Variants in ZFPM2 observed in about 807,000 individuals in gnomAD.
ZFPM2 encodes zinc finger protein ZFPM2.
A neutral mutation model predicts 98.6 loss-of-function variants in ZFPM2; 20 were observed. That is an observed-to-expected ratio of 0.20 (90% confidence interval 0.14 to 0.29). The LOEUF (loss-of-function observed/expected upper bound fraction) is 0.29, where lower values mean the gene tolerates loss of function less well. Ranked by LOEUF, ZFPM2 falls within the 10% of genes least tolerant of loss-of-function variation. ZFPM2 has a pLI of 1.00. For missense variants in ZFPM2, 1,310 were observed against 1,388.6 expected, an observed-to-expected ratio of 0.94 and a Z score of 0.90; for synonymous variants, 518 against 502.7, an observed-to-expected ratio of 1.03 and a Z score of -0.41.
intron 5 of ZFPM2, among the ~76,000 whole-genome samples, chr8:105,688,939 G>T (rs1024633949): frequency 6.6e-6 from 1 of 152,126 alleles, no homozygotes; most frequent in Non-Finnish European, 1.5e-5. Context: ...TTACTCATTA[G>T]TGTTCAAATA....
At chr8:105,365,539 C>T (rs756611744) in intron 1 of ZFPM2, among the ~76,000 whole-genome samples, 23 of 151,994 alleles carry the variant, frequency 1.5e-4, no homozygotes, top group African/African-American at 3.1e-4. Context: ...ATGAAATTTG[C>T]GGTTAAAAAG....
intron 1 of ZFPM2, among the ~76,000 whole-genome samples, chr8:105,325,215 A>G (rs1812093362): frequency 6.6e-6 from 1 of 151,926 alleles, no homozygotes; most frequent in Non-Finnish European, 1.5e-5. Flanking sequence ...TTCACCATAG[A>G]TAAAGAGGTA....
At chr8:105,349,718 A>G (rs1004417395) in intron 1 of ZFPM2, among the ~76,000 whole-genome samples, 9 of 152,202 alleles carry the variant, frequency 5.9e-5, no homozygotes, top group Non-Finnish European at 1.3e-4. Context: ...ACTGACCCCA[A>G]TTTCTTACAA....
chr8:105,792,932 T>G (rs1233152546), intron 6 of ZFPM2, among the ~76,000 whole-genome samples: 3 of 152,208 alleles, frequency 2.0e-5, no homozygotes, highest in East Asian at 1.9e-4. Context: ...GTTTTCCATT[T>G]GCTTGGTAGA....
intron 3 of ZFPM2, among the ~76,000 whole-genome samples, chr8:105,559,314 C>A (rs1485591582): frequency 6.6e-6 from 1 of 152,124 alleles, no homozygotes; most frequent in Non-Finnish European, 1.5e-5. Context: ...CTATTTATAT[C>A]TTTCAGACAT....
intron 1 of ZFPM2, among the ~76,000 whole-genome samples, chr8:105,373,975 C>T (rs1022397698): frequency 1.3e-4 from 20 of 152,128 alleles, no homozygotes; most frequent in African/African-American, 3.9e-4. Context: ...AAAGAAGGAA[C>T]GAACTAGATA....
rs577672726 is a variant in ZFPM2 at position 105,343,479 on chromosome 8, G to A, written c.40+24498G>A. Among the ~76,000 whole-genome samples the A allele has an allele frequency of 1.8e-4, 27 of 152,198 alleles. No homozygotes were observed. The South Asian group carries it at 3.1e-3, about 18-fold the overall frequency. On this transcript the variant is annotated intron_variant, in intron 1 of 7. Transcript: ENST00000407775. ...GGGTTTTTTAATGAGAGCTATATTC[G>A]GATATCTGGAGAACTCCTATAGAAA...
At chr8:105,720,128 C>T (rs145723926) in intron 5 of ZFPM2, among the ~76,000 whole-genome samples, 80 of 151,928 alleles carry the variant, frequency 5.3e-4, no homozygotes, top group African/African-American at 1.8e-3. Context: ...TGGCCTTAGT[C>T]ACTGATTGCG....
intron 3 of ZFPM2, among the ~76,000 whole-genome samples, chr8:105,493,387 A>T (rs959628352): frequency 3.9e-5 from 6 of 152,202 alleles, no homozygotes; most frequent in Non-Finnish European, 8.8e-5. Context: ...AGTGACAGTT[A>T]TTTCCAGACT....
At chr8:105,606,534 A>G (rs1281979501) in intron 4 of ZFPM2, among the ~76,000 whole-genome samples, 1 of 152,044 alleles carries the variant, frequency 6.6e-6, no homozygotes, top group Non-Finnish European at 1.5e-5. Flanking sequence ...TTAATAGAAC[A>G]TATAAATGCA....
At chr8:105,340,920 A>G (rs186147932) in intron 1 of ZFPM2, among the ~76,000 whole-genome samples, 324 of 152,116 alleles carry the variant, frequency 2.1e-3, no homozygotes, top group Non-Finnish European at 4.1e-3. Context: ...GATCTGTTAG[A>G]CACAAATTTC....
At chr8:105,719,734 A>G (rs1811611467) in intron 5 of ZFPM2, among the ~76,000 whole-genome samples, 5 of 151,946 alleles carry the variant, frequency 3.3e-5, no homozygotes, top group Admixed American at 2.6e-4. Context: ...CAATGTTGCT[A>G]TTAGTATTAG....
At chr8:105,496,355 A>G (rs1247935263) in intron 3 of ZFPM2, among the ~76,000 whole-genome samples, 1 of 151,968 alleles carries the variant, frequency 6.6e-6, no homozygotes, top group African/African-American at 2.4e-5. Flanking sequence ...ACCCCAATCT[A>G]TAACAGTTCC....
rs75371066 is a variant in ZFPM2 at position 105,703,576 on chromosome 8, A to T, written c.532+69219A>T. On this transcript the variant is annotated intron_variant, in intron 5 of 7. Transcript: ENST00000407775. ...GGGCAGAATCTCAGTGTTATGCAGC[A>T]TGAGAACAGATTGTGTGACATGGAT... 9.8e-3 allele frequency among the ~76,000 whole-genome samples: 1,491 copies of T among 152,272 alleles called. 8 individuals are homozygous for T. Among genetic ancestry groups the T allele is most frequent in the Non-Finnish European group, 0.015 (1,040 of 68,008 alleles).
chr8:105,744,639 GA>G (rs1230295136), intron 5 of ZFPM2, among the ~76,000 whole-genome samples: 5 of 90,770 alleles, frequency 5.5e-5, no homozygotes, highest in Non-Finnish European at 8.6e-5. Context: ...ATGTATATTA[GA>G]AGAGGACAAA....
At chr8:105,546,497 A>AGGTG (rs1814701898) in intron 3 of ZFPM2, among the ~76,000 whole-genome samples, 1 of 150,498 alleles carries the variant, frequency 6.6e-6, no homozygotes, top group Admixed American at 6.7e-5. Context: ...TGAACCTGGG[A>AGGTG]GCCAGAGGTT....
chr8:105,672,717 C>G (rs1303582516), intron 5 of ZFPM2, among the ~76,000 whole-genome samples: 1 of 152,074 alleles, frequency 6.6e-6, no homozygotes, highest in Non-Finnish European at 1.5e-5. Context: ...GATGACTAAA[C>G]TTTTAAAATC....
At chr8:105,751,723 G>T (rs866024269) in intron 5 of ZFPM2, among the ~76,000 whole-genome samples, 1 of 151,678 alleles carries the variant, frequency 6.6e-6, no homozygotes, top group South Asian at 2.1e-4. Flanking sequence ...GTTTATGAGC[G>T]ATGGAGGGCT....
chr8:105,518,295 T>A (rs4734119), intron 3 of ZFPM2, among the ~76,000 whole-genome samples: 2 of 151,978 alleles, frequency 1.3e-5, no homozygotes, highest in African/African-American at 4.8e-5. Context: ...TGCAATTTCC[T>A]TGTGCTTGGT....
Sources: gnomAD v4.1 joint callset for allele counts (sites outside exome capture counted in the v4.1 genomes callset) on GRCh38, gnomAD v4.1.1 for gene constraint, MANE v1.5 for transcripts, NCBI Gene and HGNC (gene_info 2026-07-23, HGNC 2026-07-21) for gene names.